Variants in RGS8 observed in about 807,000 individuals in gnomAD.
RGS8 encodes the protein regulator of G protein signaling 8.
In RGS8, 8 loss-of-function variants were observed where a neutral mutation model predicts 21.7. The ratio of observed to expected loss-of-function variants is 0.37; its 90% confidence interval spans 0.22 to 0.66. RGS8 has a LOEUF of 0.66. RGS8 is among the 30% of genes least tolerant of loss of function. The pLI is 0.59. For missense variants in RGS8, 157 were observed against 217.9 expected, an observed-to-expected ratio of 0.72 and a Z score of 1.76; for synonymous variants, 80 against 83.6, an observed-to-expected ratio of 0.96 and a Z score of 0.24.
chr1:182,645,306 A>T (rs1036258477), downstream of RGS8: 7 of 152,082 alleles, frequency 4.6e-5, no homozygotes, highest in African/African-American at 1.7e-4. Context: ...TCCAATAGTA[A>T]CTCCACTCTG....
intron 5 of RGS8, among the ~76,000 whole-genome samples, chr1:182,650,843 T>G (rs578008485): frequency 6.6e-6 from 1 of 152,144 alleles, no homozygotes; most frequent in Admixed American, 6.5e-5. Context: ...GTTAATTACA[T>G]GCAGACAATA....
At chr1:182,656,362 A>G (rs772238930) in intron 5 of RGS8, among the ~76,000 whole-genome samples, 1 of 152,114 alleles carries the variant, frequency 6.6e-6, no homozygotes, top group African/African-American at 2.4e-5. Context: ...AGACCTGGAG[A>G]TTCTCCACCA....
chr1:182,669,298 ATCCCAG>A (rs1664034936), intron 3 of RGS8, among the ~76,000 whole-genome samples: 1 of 152,202 alleles, frequency 6.6e-6, no homozygotes, highest in Non-Finnish European at 1.5e-5. Context: ...CTACAGCCCC[ATCCCAG>A]TAACTCACAG....
chr1:182,698,807 T>C, the RGS8 span, among the ~76,000 whole-genome samples: 2 of 152,338 alleles, frequency 1.3e-5, no homozygotes, highest in African/African-American at 4.8e-5. Context: ...CTTATCATCA[T>C]TTTGTTTAAC....
At chr1:182,645,438 T>C (rs1163061091), downstream of RGS8, 3 of 152,224 alleles carry the variant, frequency 2.0e-5, no homozygotes, top group Non-Finnish European at 2.9e-5. Flanking sequence ...CCTGGGTGGC[T>C]AGAGTAGGTT....
chr1:182,741,385 C>A, the RGS8 span, among the ~76,000 whole-genome samples: 2 of 133,348 alleles, frequency 1.5e-5, no homozygotes, highest in African/African-American at 2.9e-5. Flanking sequence ...CCCTCCCGGA[C>A]GGGGCGGCTG....
intron 5 of RGS8, among the ~76,000 whole-genome samples, chr1:182,652,455 C>T (rs1406437440): frequency 1.3e-5 from 2 of 152,202 alleles, no homozygotes; most frequent in Admixed American, 6.5e-5. Context: ...TGCTTTACTT[C>T]TCATCTTACA....
the RGS8 span, among the ~76,000 whole-genome samples, chr1:182,703,644 G>A: frequency 3.9e-5 from 6 of 152,170 alleles, no homozygotes; most frequent in African/African-American, 1.4e-4. Flanking sequence ...GTAAAAATTG[G>A]GCCAGCACAG....
At chr1:182,702,729 A>G in the RGS8 span, among the ~76,000 whole-genome samples, 368 of 152,356 alleles carry the variant, frequency 2.4e-3, 3 homozygotes, top group East Asian at 0.011. Context: ...CAATATTGCT[A>G]TCTAACCCCT....
chr1:182,743,985 C>T, the RGS8 span, among the ~76,000 whole-genome samples: 2 of 152,268 alleles, frequency 1.3e-5, no homozygotes, highest in African/African-American at 4.8e-5. Flanking sequence ...TGCTTGTTCA[C>T]ATGTTTGTTA....
chr1:182,665,647 T>C (rs1663820680), intron 5 of RGS8, among the ~76,000 whole-genome samples: 1 of 152,218 alleles, frequency 6.6e-6, no homozygotes, highest in South Asian at 2.1e-4. Flanking sequence ...GGCTGGAACC[T>C]AGCTTCTCTC....
At chr1:182,711,881 C>T in the RGS8 span, among the ~76,000 whole-genome samples, 237 of 152,294 alleles carry the variant, frequency 1.6e-3, no homozygotes, top group African/African-American at 5.5e-3. Flanking sequence ...TTGCTTTCCA[C>T]CATCCTAGAG....
chr1:182,728,757 A>G, the RGS8 span, among the ~76,000 whole-genome samples: 2 of 152,244 alleles, frequency 1.3e-5, no homozygotes, highest in African/African-American at 2.4e-5. Context: ...ATAGGAGAGA[A>G]TCAACAGATA....
the RGS8 span, among the ~76,000 whole-genome samples, chr1:182,740,823 C>T: frequency 3.3e-5 from 5 of 152,040 alleles, no homozygotes; most frequent in East Asian, 3.9e-4. Context: ...TTAATCCATT[C>T]AACCCTGAGT....
At chr1:182,689,873 A>C in the RGS8 span, among the ~76,000 whole-genome samples, 3 of 152,216 alleles carry the variant, frequency 2.0e-5, no homozygotes, top group Non-Finnish European at 2.9e-5. Flanking sequence ...CAGAGTTTAA[A>C]TCTTGTGATA....
chr1:182,711,609 G>A, the RGS8 span, among the ~76,000 whole-genome samples: 1 of 152,184 alleles, frequency 6.6e-6, no homozygotes, highest in Middle Eastern at 3.4e-3. Context: ...AGTGGGCTGG[G>A]GTCAGCCAGC....
At chr1:182,688,247 G>A (rs1216421678), upstream of RGS8, among the ~76,000 whole-genome samples, 1 of 152,158 alleles carries the variant, frequency 6.6e-6, no homozygotes, top group Admixed American at 6.5e-5. Context: ...CCAATAAATT[G>A]TAAGCTCTCT....
chr1:182,741,651 CGG>C, the RGS8 span, among the ~76,000 whole-genome samples: 1 of 102,998 alleles, frequency 9.7e-6, no homozygotes, highest in Non-Finnish European at 2.2e-5. Flanking sequence ...CCCTCCCGGA[CGG>C]GGCGGCTGGC....
the RGS8 span, among the ~76,000 whole-genome samples, chr1:182,709,002 A>G: frequency 6.6e-6 from 1 of 152,160 alleles, no homozygotes; most frequent in African/African-American, 2.4e-5. Context: ...GCCTGACGAA[A>G]GCGCCTTTTC....
Sources: allele counts gnomAD v4.1 joint callset (sites outside exome capture counted in the v4.1 genomes callset), GRCh38; gene constraint gnomAD v4.1.1; transcripts MANE v1.5; gene names NCBI Gene and HGNC (gene_info 2026-07-23, HGNC 2026-07-21).